The following PROM2 variants were observed in gnomAD, a reference collection of about 807,000 sequenced individuals.
PROM2 encodes the protein prominin-2.
A neutral mutation model predicts 110.2 loss-of-function variants in PROM2; 90 were observed. The observed-to-expected ratio is 0.82, with a 90% confidence interval of 0.69 to 0.97. The LOEUF is 0.97. Among genes scored for constraint, PROM2 ranks in the 50% least tolerant of loss-of-function variants. The pLI is 0.00. For missense variants in PROM2, 1,009 were observed against 1,074.8 expected, an observed-to-expected ratio of 0.94 and a Z score of 0.86; for synonymous variants, 470 against 467.8, an observed-to-expected ratio of 1.00 and a Z score of -0.06.
rs1677578704 is a variant in PROM2, at chr2:95,289,600, C to A, written c.*387C>A. 7.0e-6 allele frequency: 1 copy of A among 141,952 alleles called. No homozygotes were observed. The highest frequency in any genetic ancestry group is 2.1e-4 in the East Asian group (1 of 4,842). 8.8% of individuals were successfully genotyped at this position (141,952 alleles called of 1,614,324 possible). A position where few individuals can be genotyped will look rare whatever the true frequency, so the allele number is the denominator to read the frequency against. ...TCCCGTGTGTCTTCCCCCTGCCAAG[C>A]CTCCCCCTGCCAAGCCTCCCCCTGC... On this transcript the variant is annotated 3_prime_UTR_variant, in exon 24 of 24. Coordinates refer to ENST00000317620, the MANE Select transcript of PROM2 (RefSeq NM_001165978.3).
chr2:95,286,560 C>A lies in PROM2; in HGVS notation c.2029C>A (p.Gln677Lys). The A allele has an allele frequency of 6.2e-7, 1 of 1,613,468 alleles. No homozygotes were observed. Residue 677 changes from glutamine (Q) to lysine (K), a missense_variant, in exon 17 of 24, where the codon CAG becomes AAG. Coordinates refer to ENST00000317620, the MANE Select transcript of PROM2 (RefSeq NM_001165978.3). ...NLHQEKVVPQ[Q>K]SLVAKLNLSV... The stretch of plus-strand genomic sequence containing the variant: ...TCACCAGGAGAAGGTCGTCCCCCAG[C>A]AGAGCCTTGTGGTCAGTTTGGAGGC...
chr2:95,276,898 G>A lies in PROM2; in HGVS notation c.683-74G>A. 2 of 1,469,424 alleles carry A rather than the reference G, an allele frequency of 1.4e-6. No individual in the cohort carries two copies. The highest frequency in any genetic ancestry group is 1.2e-5 in the South Asian group (1 of 82,434). The allele number at this position is 1,469,424 out of a possible 1,614,324, so 91.0% of individuals were successfully genotyped here. On this transcript the variant is annotated intron_variant, in intron 5 of 23. Transcript: ENST00000317620. The surrounding 1 kb of genome is among the most constrained non-coding windows in gnomAD (Gnocchi z 4.6). ...TCCTGCAGAGCCCGGTGGGGCCTGG[G>A]GAGGCAGGATGGGAATGGGGAGGGC...
Position 95,287,444 on chromosome 2 carries a change from G to A in PROM2, c.2224G>A (p.Val742Met), listed in dbSNP as rs146228590. The A allele has an allele frequency of 2.5e-4, 402 of 1,613,988 alleles. 1 individual carries two copies. Among genetic ancestry groups the A allele is most frequent in the Non-Finnish European group, 3.1e-4 (371 of 1,179,974 alleles). Residue 742 changes from valine to methionine, a missense_variant, in exon 20 of 24, where the codon GTG (valine) becomes ATG (methionine). Val to Met is a conservative substitution (Grantham distance 21, BLOSUM62 1). Transcript: ENST00000317620. ...GGAGATGGGCTACTTCTCCCAGTAC[G>A]TGGCCTGGGTGAGAGAGGAGGTGAG... ...AREMGYFSQY[V>M]AWVREEVTQR...
intron 11 of PROM2, among the ~76,000 whole-genome samples, chr2:95,280,813 T>G (rs1354807868): frequency 1.3e-5 from 2 of 152,036 alleles, no homozygotes; most frequent in Non-Finnish European, 2.9e-5. Flanking sequence ...CCCAGCTAAT[T>G]TTTAAAATTT....
intron 8 of PROM2, 67 bp downstream of exon 8, chr2:95,278,071 T>C (rs1676784536): frequency 3.6e-6 from 5 of 1,391,950 alleles, no homozygotes; most frequent in Admixed American, 1.8e-5. Flanking sequence ...TTTCCCCCTT[T>C]TGGGCAGGAA....
Position 95,288,508 on chromosome 2 carries a change from G to A in PROM2, c.2360G>A (p.Trp787Ter), listed in dbSNP as rs773940376. The change falls in exon 22 of 24, where the codon TGG (tryptophan) becomes TAG (stop). Residue 787 changes from tryptophan (W) to a stop codon, truncating the protein, a stop_gained. Transcript: ENST00000317620. LOFTEE classifies it high-confidence loss of function. Reference protein sequence around the residue: ...PWNAFWFCLAWCTFFLIPSII... With the variant: ...PWNAFWFCLA ...AATGCCTTCTGGTTCTGCCTGGCAT[G>A]GTGCACCTTCTTCCTGATCCCCAGC... The A allele has an allele frequency of 3.7e-6, 6 of 1,614,054 alleles. No homozygotes were observed. Among genetic ancestry groups the A allele is most frequent in the Non-Finnish European group, 5.1e-6 (6 of 1,180,016 alleles).
rs2104569418 is a variant in PROM2 at position 95,275,617 on chromosome 2, T to C, written c.294+107T>C. The C allele has an allele frequency of 6.9e-7, 1 of 1,438,988 alleles. No individual in the cohort carries two copies. Among genetic ancestry groups the C allele is most frequent in the Non-Finnish European group, 9.5e-7 (1 of 1,053,992 alleles). The allele number at this position is 1,438,988 out of a possible 1,614,324, so 89.1% of individuals were successfully genotyped here. On this transcript the variant is annotated intron_variant, in intron 2 of 23. Transcript: ENST00000317620. The surrounding 1 kb of genome is among the most constrained non-coding windows in gnomAD (Gnocchi z 4.4). Reference sequence around the variant, plus strand: ...TTAGCCCACCTCGCTGGGTGTCCACTAGGCAGGGGCTCAGGCATCCTCTCC... The same window carrying C: ...TTAGCCCACCTCGCTGGGTGTCCACCAGGCAGGGGCTCAGGCATCCTCTCC...
chr2:95,276,337 A>G lies in PROM2; in HGVS notation c.608A>G (p.Asp203Gly). ...CTCAGCCTCTGGGGCCTGGTCTCTG[A>G]TGTCCCCCAAGTGAGCACTGTTACC... Reference protein sequence around the residue: ...TLLSLWGLVSDVPQELQAVAQ... With the variant: ...TLLSLWGLVSGVPQELQAVAQ... The change falls in exon 4 of 24, where the codon GAT becomes GGT. Residue 203 changes from aspartate (D) to glycine (G), a missense_variant. Asp to Gly is a moderately conservative substitution (Grantham distance 94). Transcript: ENST00000317620. The surrounding 1 kb of genome is among the most constrained non-coding windows in gnomAD (Gnocchi z 4.6). The G allele has an allele frequency of 6.2e-7, 1 of 1,613,432 alleles. No homozygotes were observed. The highest frequency in any genetic ancestry group is 8.5e-7 in the Non-Finnish European group (1 of 1,179,942).
intron 14 of PROM2, among the ~76,000 whole-genome samples, chr2:95,283,596 C>T (rs557618834): frequency 2.6e-4 from 39 of 152,136 alleles, no homozygotes; most frequent in Non-Finnish European, 4.6e-4. Flanking sequence ...TGGAGGGATG[C>T]GGGGAGGAGA....
At chr2:95,287,549 G>A in intron 20 of PROM2, 85 bp downstream of exon 20, 1 of 1,420,480 alleles carries the variant, frequency 7.0e-7, no homozygotes. Context: ...CCCGCCCCCG[G>A]AGCCCCTTGG....
chr2:95,277,225 C>T (rs1248929000), intron 6 of PROM2, 139 bp from the exon 7 acceptor site: 1 of 1,159,344 alleles, frequency 8.6e-7, no homozygotes, highest in Non-Finnish European at 1.2e-6. Flanking sequence ...GCTTAATGTG[C>T]CCTGGGGCAG....
intron 10 of PROM2, 63 bp from the exon 11 acceptor site, chr2:95,279,782 A>G (rs1676934245): frequency 3.0e-6 from 4 of 1,345,536 alleles, no homozygotes; most frequent in Non-Finnish European, 3.9e-6. Flanking sequence ...CACGTCCCGC[A>G]CCTGTCCATG....
Position 95,285,104 on chromosome 2 carries a change from T to C in PROM2, c.1864T>C (p.Phe622Leu). 1.3e-6 allele frequency: 2 copies of C among 1,577,928 alleles called. No homozygotes were observed. The highest frequency in any genetic ancestry group is 1.8e-4 in the Middle Eastern group (1 of 5,444). The change falls in exon 15 of 24, where the codon TTC (phenylalanine) becomes CTC (leucine). Residue 622 changes from phenylalanine to leucine, a missense_variant. Transcript: ENST00000317620. ...SGLQRIHYPD[F>L]LVQIQRPVVK... Reference sequence around the variant, plus strand: ...GCTTCAGCGCATCCACTACCCCGACTTCCTCGTTCAGGTCAGCGGTGGGCA... The same window carrying C: ...GCTTCAGCGCATCCACTACCCCGACCTCCTCGTTCAGGTCAGCGGTGGGCA...
rs1676565338 is a variant in PROM2, at chr2:95,275,011, C to T, written c.244+182C>T. 21 of 692,094 alleles carry T rather than the reference C, an allele frequency of 3.0e-5. No homozygotes were observed. The South Asian group carries it at 4.4e-4, about 15-fold the overall frequency. The allele number at this position is 692,094 out of a possible 1,614,324, so 42.9% of individuals were successfully genotyped here. ...GCTGTGTGACTGTGGGTAAGCCTCA[C>T]TTCCTCTCTGAGCCTCAGGTGCTCT... On this transcript the variant is annotated intron_variant, in intron 1 of 23. Transcript: ENST00000317620. The surrounding 1 kb of genome is among the most constrained non-coding windows in gnomAD (Gnocchi z 4.4).
intron 14 of PROM2, among the ~76,000 whole-genome samples, chr2:95,284,499 A>G (rs565272076): frequency 6.6e-6 from 1 of 151,694 alleles, no homozygotes; most frequent in African/African-American, 2.4e-5. Context: ...CGCTTCCCCA[A>G]CCAAAAAAAA....
intron 11 of PROM2, among the ~76,000 whole-genome samples, chr2:95,280,983 T>C (rs778349159): frequency 3.3e-5 from 5 of 152,162 alleles, no homozygotes; most frequent in Non-Finnish European, 7.3e-5. Flanking sequence ...AACAGCTGTT[T>C]TCTCCTCTAG....
chr2:95,281,266 T>A lies in PROM2; in HGVS notation c.1452T>A (p.Phe484Leu), dbSNP rs777362957. The change falls in exon 12 of 24, where the codon TTT (phenylalanine) becomes TTA (leucine). Residue 484 changes from phenylalanine (F) to leucine (L), a missense_variant. By Grantham distance (22) the Phe-to-Leu change is conservative (BLOSUM62 0). Transcript: ENST00000317620. ...LMAGVGLSFL[F>L]AAPLILLVFA... ...GAGGTGTGGGCCTCAGCTTCCTCTT[T>A]GCTGCACCCCTCATCCTCCTGGTGT... is the stretch of plus-strand genomic sequence containing the variant. 1.4e-5 allele frequency: 23 copies of A among 1,613,186 alleles called. No homozygotes were observed. The highest frequency in any genetic ancestry group is 1.9e-5 in the Non-Finnish European group (22 of 1,179,992).
chr2:95,275,405 A>G lies in PROM2; in HGVS notation c.245-56A>G, dbSNP rs370354031. ...TGCCCTGGCAGTGGGGAGAGGAGGG[A>G]CACAGGGGCAGGGCAGTGGCTGTCC... On this transcript the variant is annotated intron_variant, in intron 1 of 23. Coordinates refer to ENST00000317620, the MANE Select transcript of PROM2 (RefSeq NM_001165978.3). This position sits in a 1 kb window ranked among gnomAD's most constrained non-coding sequence, Gnocchi z 4.4. 6.5e-7 allele frequency: 1 copy of G among 1,532,572 alleles called. No homozygotes were observed. The allele number at this position is 1,532,572 out of a possible 1,614,324, so 94.9% of individuals were successfully genotyped here. A position where few individuals can be genotyped will look rare whatever the true frequency, so the allele number is the denominator to read the frequency against.
Position 95,289,279 on chromosome 2 carries a change from G to T in PROM2, c.*66G>T. 2.0e-6 allele frequency: 1 copy of T among 502,762 alleles called. No homozygotes were observed. Among genetic ancestry groups the T allele is most frequent in the Non-Finnish European group, 3.6e-6 (1 of 275,560 alleles). 31.1% of individuals were successfully genotyped at this position (502,762 alleles called of 1,614,324 possible). On this transcript the variant is annotated 3_prime_UTR_variant, in exon 24 of 24. Transcript: ENST00000317620. ...CCCTTTGATTTAGCCTGGGCCACAG[G>T]ACTTCGGTAGCTCTTGCCCCAGAGC...
Sources: allele counts gnomAD v4.1 joint callset (sites outside exome capture counted in the v4.1 genomes callset), GRCh38; gene constraint gnomAD v4.1.1; non-coding constraint Gnocchi (gnomAD v3.1); transcripts MANE v1.5; gene names NCBI Gene and HGNC (gene_info 2026-07-23, HGNC 2026-07-21).